Variants in FGF14 observed in about 807,000 individuals in gnomAD.
The protein encoded by FGF14 is fibroblast growth factor homologous factor 4.
Under a neutral mutation model 25.5 loss-of-function variants are expected in FGF14, and 5 were observed. That is an observed-to-expected ratio of 0.20 (90% CI 0.10 to 0.41). The LOEUF is 0.41. Ranked by LOEUF, FGF14 falls within the 10% of genes least tolerant of loss-of-function variation. The pLI, the probability that FGF14 is intolerant of heterozygous loss-of-function variation, is 1.00. For synonymous variants in FGF14, 138 were observed against 118.3 expected (o/e 1.17, Z -1.08); for missense variants, 222 against 320.1 (o/e 0.69, Z 2.34).
chr13:102,137,492 T>C (rs184969179), intron 1 of FGF14, among the ~76,000 whole-genome samples: 2 of 152,304 alleles, frequency 1.3e-5, no homozygotes, highest in East Asian at 1.9e-4. Context: ...GTCTGGACTC[T>C]GGTAATTTTT....
At chr13:101,765,287 C>A (rs970817114) in intron 3 of FGF14, among the ~76,000 whole-genome samples, 16 of 152,166 alleles carry the variant, frequency 1.1e-4, no homozygotes, top group Admixed American at 6.5e-5. Flanking sequence ...CTCACACATA[C>A]AAAGATAGAG....
chr13:101,996,498 G>A (rs775344406), intron 1 of FGF14, among the ~76,000 whole-genome samples: 22 of 152,244 alleles, frequency 1.4e-4, no homozygotes, highest in Non-Finnish European at 1.9e-4. Flanking sequence ...AAACAACTAG[G>A]AGATGTAGCT....
At chr13:102,383,425 T>C (rs1011332259) in intron 1 of FGF14, among the ~76,000 whole-genome samples, 9 of 152,300 alleles carry the variant, frequency 5.9e-5, no homozygotes, top group African/African-American at 1.9e-4. Context: ...TTTCCAGTCA[T>C]AACCTACTTT....
chr13:102,321,838 A>G (rs2056255004), intron 1 of FGF14, among the ~76,000 whole-genome samples: 1 of 152,218 alleles, frequency 6.6e-6, no homozygotes, highest in Non-Finnish European at 1.5e-5. Flanking sequence ...TAATTGGTTC[A>G]GATTAATTTA....
intron 1 of FGF14, among the ~76,000 whole-genome samples, chr13:102,243,328 T>A (rs1319164918): frequency 6.6e-6 from 1 of 152,146 alleles, no homozygotes; most frequent in Admixed American, 6.6e-5. Flanking sequence ...AAATTCTGCC[T>A]TTTAATGCCA....
chr13:101,952,138 C>A (rs1012888974), intron 1 of FGF14, among the ~76,000 whole-genome samples: 24 of 151,706 alleles, frequency 1.6e-4, no homozygotes, highest in Admixed American at 3.9e-4. Context: ...AAATAAGCAT[C>A]CAAACTATGC....
chr13:101,826,476 A>G (rs1304957225), intron 3 of FGF14, among the ~76,000 whole-genome samples: 1 of 152,094 alleles, frequency 6.6e-6, no homozygotes, highest in East Asian at 1.9e-4. Context: ...GTCAATTAAT[A>G]TTGACTTCAG....
At chr13:102,127,872 A>C (rs1334008721) in intron 1 of FGF14, among the ~76,000 whole-genome samples, 1 of 152,244 alleles carries the variant, frequency 6.6e-6, no homozygotes, top group Non-Finnish European at 1.5e-5. Context: ...ATGGAGTCTC[A>C]GCTGGCAGCT....
At chr13:101,896,961 T>C (rs1021419541) in intron 1 of FGF14, among the ~76,000 whole-genome samples, 1 of 152,154 alleles carries the variant, frequency 6.6e-6, no homozygotes, top group African/African-American at 2.4e-5. Context: ...TAAGAAAATA[T>C]ACTAGAGACA....
chr13:101,754,802 G>A (rs947922325), intron 3 of FGF14, among the ~76,000 whole-genome samples: 1 of 152,030 alleles, frequency 6.6e-6, no homozygotes, highest in East Asian at 1.9e-4. Flanking sequence ...TCTATAAATG[G>A]AGAATCTGAA....
chr13:102,114,357 T>C (rs897402334), intron 1 of FGF14, among the ~76,000 whole-genome samples: 3 of 152,208 alleles, frequency 2.0e-5, no homozygotes, highest in African/African-American at 7.2e-5. Flanking sequence ...CCATACCGTA[T>C]GATGCCTTTT....
chr13:102,258,034 T>A lies in FGF14; in HGVS notation c.208+143437A>T, dbSNP rs140442321. Among the ~76,000 whole-genome samples, 130 of 152,218 alleles carry A rather than the reference T, an allele frequency of 8.5e-4. 1 individual carries two copies. Among genetic ancestry groups the A allele is most frequent in the African/African-American group, 2.9e-3 (122 of 41,542 alleles). The stretch of plus-strand genomic sequence containing the variant: ...CCACGTGGCTGGAGAGGCCTGACAA[T>A]CATGGTGGAAGGTGAAAGGCATGTC... On this transcript the variant is annotated intron_variant, in intron 1 of 4. Transcript: ENST00000376131.
intron 1 of FGF14, among the ~76,000 whole-genome samples, chr13:102,301,732 T>C (rs1490795340): frequency 1.3e-5 from 2 of 151,828 alleles, no homozygotes; most frequent in Non-Finnish European, 2.9e-5. Context: ...CTATGACGAC[T>C]AACCTCAAGT....
chr13:102,236,812 G>T (rs1230949850), intron 1 of FGF14, among the ~76,000 whole-genome samples: 9 of 152,174 alleles, frequency 5.9e-5, no homozygotes, highest in African/African-American at 2.2e-4. Flanking sequence ...ACCCTCATTT[G>T]CATCATCAGC....
rs1194879758 is a variant in FGF14, at chr13:101,716,633, G to C, written c.*6198C>G. 1.3e-5 allele frequency: 2 copies of C among 151,878 alleles called. No individual in the cohort carries two copies. The highest frequency in any genetic ancestry group is 4.8e-5 in the African/African-American group (2 of 41,338). 9.4% of individuals were successfully genotyped at this position (151,878 alleles called of 1,614,324 possible). On this transcript the variant is annotated 3_prime_UTR_variant, in exon 5 of 5. Coordinates refer to ENST00000376143, the MANE Select transcript of FGF14 (RefSeq NM_004115.4). ...TGGCCTTTTAAAAAGACAATATTGA[G>C]TTACATATAAAATGGGCCTGAAGTA...
intron 1 of FGF14, among the ~76,000 whole-genome samples, chr13:102,384,509 T>C (rs1191141519): frequency 6.6e-6 from 1 of 152,176 alleles, no homozygotes; most frequent in East Asian, 1.9e-4. Flanking sequence ...AACAATTACC[T>C]TGTGCCTTTC....
At position 101,789,097 on chromosome 13, in the gene FGF14, C is replaced by T. The variant is rs192162490; in HGVS notation, c.409-62287G>A. Reference sequence around the variant, plus strand: ...GGGATTTATTAGCCAGGGTGACTCACAGATGTCTCTGATTTTAGAGCTTCT... The same window carrying T: ...GGGATTTATTAGCCAGGGTGACTCATAGATGTCTCTGATTTTAGAGCTTCT... On this transcript the variant is annotated intron_variant, in intron 3 of 4. Transcript: ENST00000376143. Among the ~76,000 whole-genome samples the T allele has an allele frequency of 2.1e-4, 32 of 151,812 alleles. No individual in the cohort carries two copies. The East Asian group carries it at 5.4e-3, about 26-fold the overall frequency.
intron 3 of FGF14, among the ~76,000 whole-genome samples, chr13:101,797,755 G>GTC (rs2040620700): frequency 6.7e-6 from 1 of 150,034 alleles, no homozygotes; most frequent in Non-Finnish European, 1.5e-5. Flanking sequence ...GTGTGTGTGT[G>GTC]TGTGTGTGTG....
At chr13:102,095,375 C>T (rs1176789867) in intron 1 of FGF14, among the ~76,000 whole-genome samples, 1 of 152,040 alleles carries the variant, frequency 6.6e-6, no homozygotes, top group Non-Finnish European at 1.5e-5. Flanking sequence ...TCCAATTATC[C>T]GAGATTCCTT....
Sources: gnomAD v4.1 joint callset for allele counts (sites outside exome capture counted in the v4.1 genomes callset) on GRCh38, gnomAD v4.1.1 for gene constraint, MANE v1.5 for transcripts, NCBI Gene and HGNC (gene_info 2026-07-23, HGNC 2026-07-21) for gene names.